The following VIT variants were observed in gnomAD, a reference collection of about 807,000 sequenced individuals.
The protein encoded by VIT is vitrin.
VIT carries 99 observed loss-of-function variants against 78.0 expected under a neutral mutation model. That is an observed-to-expected ratio of 1.27 (90% CI 1.08 to 1.50). The LOEUF is 1.50. Among genes scored for constraint, VIT ranks in the 40% most tolerant of loss-of-function variants. The pLI is 0.00. For missense variants in VIT, 1,126 were observed against 875.3 expected (o/e 1.29, Z -3.61); for synonymous variants, 374 against 334.3 (o/e 1.12, Z -1.29).
chr2:36,734,343 T>G (rs1401719969), intron 3 of VIT, among the ~76,000 whole-genome samples: 1 of 152,164 alleles, frequency 6.6e-6, no homozygotes. Flanking sequence ...CCCAGAAGTC[T>G]TAAGTGAAAT....
At chr2:36,796,876 C>G (rs1299760456) in intron 12 of VIT, among the ~76,000 whole-genome samples, 2 of 152,066 alleles carry the variant, frequency 1.3e-5, no homozygotes, top group Non-Finnish European at 2.9e-5. Flanking sequence ...ACCAGACACC[C>G]TCAGGAAATT....
At chr2:36,791,829 T>G (rs11124543) in intron 12 of VIT, among the ~76,000 whole-genome samples, 106,540 of 152,078 alleles carry the variant, frequency 0.7, 37,754 homozygotes, top group East Asian at 0.82. Flanking sequence ...TCAACTAAGT[T>G]TGTGTTGTTT....
intron 3 of VIT, among the ~76,000 whole-genome samples, chr2:36,730,115 G>C (rs1667103110): frequency 6.6e-6 from 1 of 151,856 alleles, no homozygotes; most frequent in Non-Finnish European, 1.5e-5. Flanking sequence ...GGCCAACGTG[G>C]TGTCTTTATT....
At chr2:36,791,768 C>G (rs1408968420) in intron 12 of VIT, among the ~76,000 whole-genome samples, 1 of 152,242 alleles carries the variant, frequency 6.6e-6, no homozygotes, top group Non-Finnish European at 1.5e-5. Context: ...TCTGGCCACA[C>G]CTTGGTTTCA....
At position 36,755,014 on chromosome 2, in the gene VIT, G is replaced by A. The variant is rs1668679811; in HGVS notation, c.369G>A (p.Ser123=). 2.5e-6 allele frequency: 4 copies of A among 1,614,134 alleles called. No individual in the cohort carries two copies. The highest frequency in any genetic ancestry group is 2.2e-5 in the East Asian group (1 of 44,880). ...YKGSYSNGVQ[S]LSLPRWRESF... is the part of the protein sequence containing the mutation. Reference sequence around the variant, plus strand: ...GGAGTTATTCCAACGGTGTCCAATCGTTATCCCTACCACGATGGAGAGAAT... The same window carrying A: ...GGAGTTATTCCAACGGTGTCCAATCATTATCCCTACCACGATGGAGAGAAT... Residue 123 remains serine (S), a synonymous_variant, in exon 5 of 16, where the codon TCG becomes TCA. Transcript: ENST00000379242.
chr2:36,788,093 G>A lies in VIT; in HGVS notation c.1058+817G>A, dbSNP rs77405523. Reference sequence around the variant, plus strand: ...TAAATTTATACACACATCTTAAATAGGTAGCCTTTTGACCAAGAATCATTG... The same window carrying A: ...TAAATTTATACACACATCTTAAATAAGTAGCCTTTTGACCAAGAATCATTG... On this transcript the variant is annotated intron_variant, in intron 12 of 15. Coordinates refer to ENST00000379242, the MANE Select transcript of VIT (RefSeq NM_053276.4). 590 of 263,018 alleles carry A rather than the reference G, an allele frequency of 2.2e-3. 5 individuals are homozygous for A. The highest frequency in any genetic ancestry group is 0.013 in the African/African-American group (560 of 43,088). 16.3% of individuals were successfully genotyped at this position (263,018 alleles called of 1,614,324 possible).
chr2:36,740,823 C>T (rs1667791829), intron 3 of VIT, among the ~76,000 whole-genome samples: 1 of 152,196 alleles, frequency 6.6e-6, no homozygotes, highest in African/African-American at 2.4e-5. Flanking sequence ...GTCTTTTAAA[C>T]CAATTATTTC....
chr2:36,736,333 A>G (rs1196660794), intron 3 of VIT, among the ~76,000 whole-genome samples: 1 of 152,220 alleles, frequency 6.6e-6, no homozygotes, highest in East Asian at 1.9e-4. Context: ...TAGGTTACTC[A>G]TTCAAAAAAG....
At chr2:36,742,994 G>C (rs1667924370) in intron 3 of VIT, 106 bp from the exon 4 acceptor site, 1 of 1,449,546 alleles carries the variant, frequency 6.9e-7, no homozygotes, top group East Asian at 2.3e-5. Flanking sequence ...AGTCGGCCCA[G>C]GCTCTGGCTT....
At chr2:36,787,010 T>A in intron 11 of VIT, 119 bp from the exon 12 acceptor site, 2 of 1,305,354 alleles carry the variant, frequency 1.5e-6, no homozygotes, top group Non-Finnish European at 2.1e-6. Context: ...TCTTCCTACC[T>A]CTTTTTCCCT....
intron 2 of VIT, among the ~76,000 whole-genome samples, chr2:36,728,812 C>CAAA (rs768222712): frequency 2.9e-4 from 1 of 3,440 alleles, no homozygotes; most frequent in South Asian, 0.056. Flanking sequence ...GACTCCGTCT[C>CAAA]AAAAAAAAAA....
intron 15 of VIT, among the ~76,000 whole-genome samples, chr2:36,812,318 G>A (rs1667231615): frequency 6.6e-6 from 1 of 152,166 alleles, no homozygotes; most frequent in East Asian, 1.9e-4. Context: ...GGACTCGGGG[G>A]GAGGTGCCAG....
intron 12 of VIT, among the ~76,000 whole-genome samples, chr2:36,789,791 C>T (rs1195074575): frequency 6.6e-6 from 1 of 152,180 alleles, no homozygotes; most frequent in Non-Finnish European, 1.5e-5. Context: ...CCTGATTCTA[C>T]CTCTTTGTGT....
intron 3 of VIT, among the ~76,000 whole-genome samples, chr2:36,734,056 G>GCATCAT (rs1667361707): frequency 6.6e-6 from 1 of 152,172 alleles, no homozygotes; most frequent in Admixed American, 6.5e-5. Context: ...GGCAGCATCA[G>GCATCAT]CATCATCCGG....
At chr2:36,754,518 A>T (rs1668650015) in intron 4 of VIT, among the ~76,000 whole-genome samples, 1 of 152,222 alleles carries the variant, frequency 6.6e-6, no homozygotes, top group Non-Finnish European at 1.5e-5. Context: ...AGGAGTGTTT[A>T]CTTTTCATCA....
chr2:36,697,972 T>A (rs1664781338), intron 1 of VIT, among the ~76,000 whole-genome samples: 1 of 152,234 alleles, frequency 6.6e-6, no homozygotes, highest in Non-Finnish European at 1.5e-5. Flanking sequence ...GAAAACACCC[T>A]GCAGCAAAGC....
chr2:36,806,961 G>A (rs1471602078), intron 14 of VIT, among the ~76,000 whole-genome samples: 1 of 152,100 alleles, frequency 6.6e-6, no homozygotes. Context: ...CCTATAACAA[G>A]CCAAGTTCAT....
chr2:36,721,756 C>G (rs115470797), intron 2 of VIT, among the ~76,000 whole-genome samples: 4,447 of 152,274 alleles, frequency 0.029, 94 homozygotes, highest in Non-Finnish European at 0.041. Context: ...TTTGAACATG[C>G]CTTCCTGGAA....
Position 36,767,291 on chromosome 2 carries a change from T to A in VIT, c.679+6T>A, listed in dbSNP as rs1259893178. ...CCACAGGAGCCAGGAGATGGGTCAG[T>A]AGGTAGACCATGTGTTGCTTTGTGC... On this transcript the variant is annotated splice_donor_region_variant and intron_variant, in intron 7 of 15. Transcript: ENST00000379242. The A allele has an allele frequency of 1.9e-6, 3 of 1,543,796 alleles. No homozygotes were observed. The highest frequency in any genetic ancestry group is 1.7e-4 in the Middle Eastern group (1 of 5,784).
Sources: allele counts gnomAD v4.1 joint callset (sites outside exome capture counted in the v4.1 genomes callset), GRCh38; gene constraint gnomAD v4.1.1; transcripts MANE v1.5; gene names NCBI Gene and HGNC (gene_info 2026-07-23, HGNC 2026-07-21).